The following DLC1 variants were observed in gnomAD, a reference collection of about 807,000 sequenced individuals.
DLC1 encodes rho GTPase-activating protein 7.
In DLC1, 54 loss-of-function variants were observed where a neutral mutation model predicts 140.3. The observed-to-expected ratio is 0.38, with a 90% CI of 0.31 to 0.48. DLC1 has a LOEUF of 0.48. DLC1 is among the 20% of genes least tolerant of loss of function. DLC1 has a pLI of 0.96. For synonymous variants in DLC1, 986 were observed against 728.1 expected (o/e 1.35, Z -5.70); for missense variants, 2,536 against 1,907.0 (o/e 1.33, Z -6.14).
At chr8:13,221,677 ATT>A (rs562673675) in intron 5 of DLC1, among the ~76,000 whole-genome samples, 5 of 142,106 alleles carry the variant, frequency 3.5e-5, no homozygotes, top group African/African-American at 1.3e-4. Context: ...GGCCCCAAAG[ATT>A]TTGTGTGTGT....
intron 2 of DLC1, among the ~76,000 whole-genome samples, chr8:13,488,151 T>C (rs945691447): frequency 6.6e-6 from 1 of 152,206 alleles, no homozygotes; most frequent in African/African-American, 2.4e-5. Flanking sequence ...TTGTTATAAC[T>C]GTTCAAAACT....
At chr8:13,305,032 C>G (rs17191712) in intron 5 of DLC1, 1 of 1,135,300 alleles carries the variant, frequency 8.8e-7, no homozygotes, top group African/African-American at 1.6e-5. Context: ...GTTGCAGTTA[C>G]AAGGAAGACC....
chr8:13,171,460 A>G (rs1235083629), intron 5 of DLC1, among the ~76,000 whole-genome samples: 3 of 152,116 alleles, frequency 2.0e-5, no homozygotes. Context: ...TGGAGTGCAT[A>G]GCTCACTGCA....
chr8:13,357,715 C>T (rs1403547389), intron 4 of DLC1, among the ~76,000 whole-genome samples: 10 of 152,140 alleles, frequency 6.6e-5, no homozygotes, highest in Non-Finnish European at 8.8e-5. Flanking sequence ...GGTTTTCTTC[C>T]TTGAGAATTA....
At chr8:13,361,209 G>C (rs1049960234) in intron 4 of DLC1, among the ~76,000 whole-genome samples, 1 of 152,164 alleles carries the variant, frequency 6.6e-6, no homozygotes, top group Non-Finnish European at 1.5e-5. Flanking sequence ...TCCAGCCTGG[G>C]CGACGGAGTG....
chr8:13,192,325 C>G (rs1043155389), intron 5 of DLC1, among the ~76,000 whole-genome samples: 1 of 151,926 alleles, frequency 6.6e-6, no homozygotes, highest in East Asian at 1.9e-4. Flanking sequence ...GGGTGATGCC[C>G]TTTTTAAAAA....
chr8:13,350,897 A>T (rs1385845736), intron 4 of DLC1, among the ~76,000 whole-genome samples: 1 of 152,074 alleles, frequency 6.6e-6, no homozygotes, highest in South Asian at 2.1e-4. Context: ...TTCTTTTGAG[A>T]TCTTGTTTTG....
At chr8:13,582,753 C>T (rs1308398184) in intron 1 of DLC1, among the ~76,000 whole-genome samples, 1 of 151,044 alleles carries the variant, frequency 6.6e-6, no homozygotes, top group East Asian at 1.9e-4. Flanking sequence ...AGTACAGGAA[C>T]TCACAGATTT....
intron 4 of DLC1, among the ~76,000 whole-genome samples, chr8:13,347,290 A>T (rs1834387298): frequency 6.6e-6 from 1 of 152,200 alleles, no homozygotes; most frequent in Admixed American, 6.5e-5. Context: ...TTGCTTTTTG[A>T]AAAACAAAAC....
At chr8:13,328,639 G>C (rs149185020) in intron 4 of DLC1, among the ~76,000 whole-genome samples, 1 of 152,174 alleles carries the variant, frequency 6.6e-6, no homozygotes, top group Non-Finnish European at 1.5e-5. Flanking sequence ...TAAGTTTGAG[G>C]GTATCTGAAG....
chr8:13,086,795 G>C (rs932367946), intron 16 of DLC1, among the ~76,000 whole-genome samples: 2 of 152,142 alleles, frequency 1.3e-5, no homozygotes, highest in African/African-American at 2.4e-5. Context: ...AAGCTGGGGA[G>C]GGAGGACTGC....
intron 2 of DLC1, among the ~76,000 whole-genome samples, chr8:13,407,236 T>C (rs1837609039): frequency 6.6e-6 from 1 of 152,194 alleles, no homozygotes; most frequent in African/African-American, 2.4e-5. Context: ...GCCTCTTTGA[T>C]TGCAGTGGTA....
intron 1 of DLC1, among the ~76,000 whole-genome samples, chr8:13,526,758 A>T (rs944842118): frequency 2.0e-5 from 3 of 150,060 alleles, no homozygotes. Flanking sequence ...AACATCACAC[A>T]CCAGGGCCTG....
chr8:13,395,471 G>T (rs1836997874), intron 3 of DLC1, among the ~76,000 whole-genome samples: 1 of 152,156 alleles, frequency 6.6e-6, no homozygotes, highest in Non-Finnish European at 1.5e-5. Context: ...CATCGCAAGA[G>T]TAAGGACTTC....
intron 3 of DLC1, among the ~76,000 whole-genome samples, chr8:13,396,735 A>G (rs1272644414): frequency 6.6e-6 from 1 of 152,242 alleles, no homozygotes; most frequent in Non-Finnish European, 1.5e-5. Context: ...TAATTTTAAT[A>G]GGACCATCAA....
intron 5 of DLC1, among the ~76,000 whole-genome samples, chr8:13,177,675 C>T (rs974097138): frequency 5.3e-5 from 8 of 152,132 alleles, no homozygotes; most frequent in African/African-American, 1.9e-4. Flanking sequence ...GCAAAAATGC[C>T]TATATTTCTA....
At chr8:13,275,233 G>A (rs1481477564) in intron 5 of DLC1, among the ~76,000 whole-genome samples, 1 of 152,170 alleles carries the variant, frequency 6.6e-6, no homozygotes, top group South Asian at 2.1e-4. Flanking sequence ...TTCACAATCT[G>A]CTTTATCACA....
At chr8:13,292,886 G>A (rs1336061824) in intron 5 of DLC1, among the ~76,000 whole-genome samples, 1 of 151,968 alleles carries the variant, frequency 6.6e-6, no homozygotes, top group Non-Finnish European at 1.5e-5. Context: ...AAATAGTTAG[G>A]AGCAGCAGCA....
chr8:13,522,824 G>A (rs1802804943), intron 1 of DLC1, among the ~76,000 whole-genome samples: 1 of 151,936 alleles, frequency 6.6e-6, no homozygotes, highest in Non-Finnish European at 1.5e-5. Flanking sequence ...CACTGCAAAG[G>A]TGGCTTATCA....
Sources: gnomAD v4.1 joint callset for allele counts (sites outside exome capture counted in the v4.1 genomes callset) on GRCh38, gnomAD v4.1.1 for gene constraint, MANE v1.5 for transcripts, NCBI Gene and HGNC (gene_info 2026-07-23, HGNC 2026-07-21) for gene names.